MACROD2: variants seen among roughly 807,000 people sequenced by gnomAD.
The protein encoded by MACROD2 is ADP-ribose glycohydrolase MACROD2.
MACROD2 carries 36 observed loss-of-function variants against 70.4 expected under a neutral mutation model. That is an observed-to-expected ratio of 0.51 (90% CI 0.39 to 0.68). MACROD2 has a LOEUF of 0.68. Ranked by LOEUF, MACROD2 falls within the 30% of genes least tolerant of loss-of-function variation. The probability of loss-of-function intolerance (pLI) is 0.00; values close to 1 mark genes in which losing one functional copy is unlikely to be tolerated. For missense variants in MACROD2, 496 were observed against 538.4 expected (o/e 0.92, Z 0.78); for synonymous variants, 172 against 178.8 (o/e 0.96, Z 0.30).
chr20:15,955,549 G>A lies in MACROD2; in HGVS notation c.908-12004G>A, dbSNP rs151111631. Among the ~76,000 whole-genome samples the A allele has an allele frequency of 3.9e-3, 596 of 152,218 alleles. 6 individuals are homozygous for A. The highest frequency in any genetic ancestry group is 0.013 in the African/African-American group (547 of 41,524). On this transcript the variant is annotated intron_variant, in intron 12 of 17. Coordinates refer to ENST00000684519, the MANE Select transcript of MACROD2 (RefSeq NM_001351661.2). Reference sequence around the variant, plus strand: ...TTTCTAATGGATGATCCTTTGGCAAGCTATAATTTTCCATCTTCCTAATTC... The same window carrying A: ...TTTCTAATGGATGATCCTTTGGCAAACTATAATTTTCCATCTTCCTAATTC...
intron 15 of MACROD2, among the ~76,000 whole-genome samples, chr20:16,019,369 G>T (rs528863468): frequency 6.6e-6 from 1 of 152,308 alleles, no homozygotes; most frequent in African/African-American, 2.4e-5. Context: ...CCTGCAGTGT[G>T]AGTAGGGTTA....
chr20:15,576,027 C>T (rs1222900695), intron 8 of MACROD2, among the ~76,000 whole-genome samples: 5 of 152,146 alleles, frequency 3.3e-5, no homozygotes, highest in African/African-American at 7.2e-5. Context: ...TTGATTCAAA[C>T]AAAAATTCTT....
chr20:15,942,087 C>T (rs979250743), intron 12 of MACROD2, among the ~76,000 whole-genome samples: 9 of 152,116 alleles, frequency 5.9e-5, no homozygotes, highest in African/African-American at 2.2e-4. Context: ...TGCAGGTGTC[C>T]TCTTTGCCAG....
At chr20:14,965,431 C>T (rs1983835) in intron 5 of MACROD2, among the ~76,000 whole-genome samples, 20,399 of 145,170 alleles carry the variant, frequency 0.14, 1,752 homozygotes, top group East Asian at 0.33. Flanking sequence ...AACCTAGGGA[C>T]GGCTAAAAGT....
chr20:14,758,724 GA>G (rs1313198952), intron 5 of MACROD2, among the ~76,000 whole-genome samples: 8 of 152,012 alleles, frequency 5.3e-5, no homozygotes, highest in Non-Finnish European at 1.0e-4. Flanking sequence ...CCTATCATTG[GA>G]ATTACTCTAA....
intron 3 of MACROD2, among the ~76,000 whole-genome samples, chr20:14,376,365 A>G (rs527261548): frequency 6.6e-6 from 1 of 152,310 alleles, no homozygotes; most frequent in East Asian, 1.9e-4. Context: ...TCCTTGGTGC[A>G]CATGAAAATC....
intron 5 of MACROD2, among the ~76,000 whole-genome samples, chr20:14,862,263 ATATTACTATG>A (rs1355325944): frequency 4.3e-4 from 19 of 43,834 alleles, no homozygotes; most frequent in South Asian, 8.6e-4. Flanking sequence ...ATATATAAAT[ATATTACTATG>A]TATATTTATA....
intron 8 of MACROD2, among the ~76,000 whole-genome samples, chr20:15,584,239 A>G (rs1169222263): frequency 6.6e-6 from 1 of 152,134 alleles, no homozygotes; most frequent in Admixed American, 6.6e-5. Flanking sequence ...GTTTACATGT[A>G]TTTTTTAAAA....
At chr20:15,716,536 C>G (rs2050710160) in intron 8 of MACROD2, among the ~76,000 whole-genome samples, 1 of 152,212 alleles carries the variant, frequency 6.6e-6, no homozygotes, top group African/African-American at 2.4e-5. Flanking sequence ...GCCTTTTGTA[C>G]TCAACACTGA....
intron 5 of MACROD2, among the ~76,000 whole-genome samples, chr20:15,077,042 G>A (rs1310156371): frequency 1.3e-5 from 2 of 152,152 alleles, no homozygotes; most frequent in African/African-American, 4.8e-5. Context: ...CAGTCTTGTG[G>A]CAGTTAGCCA....
At position 15,937,423 on chromosome 20, in the gene MACROD2, C is replaced by T. The variant is rs2065681313; in HGVS notation, c.839-53C>T. The T allele has an allele frequency of 7.0e-6, 11 of 1,568,204 alleles. No individual in the cohort carries two copies. In the Admixed American group the frequency reaches 1.5e-4, roughly 21 times the overall value. On this transcript the variant is annotated intron_variant, in intron 11 of 17. Coordinates refer to ENST00000684519, the MANE Select transcript of MACROD2 (RefSeq NM_001351661.2). The stretch of plus-strand genomic sequence containing the variant: ...GAGGTGCAGGGCAGGAAAGCCACAG[C>T]TGGACTTCCGGAAGGATGAACTCTG...
chr20:15,307,069 C>T (rs1166402610), intron 6 of MACROD2, among the ~76,000 whole-genome samples: 2 of 152,028 alleles, frequency 1.3e-5, no homozygotes, highest in South Asian at 2.1e-4. Flanking sequence ...CATAAGGCAC[C>T]CCACCCCATG....
intron 3 of MACROD2, among the ~76,000 whole-genome samples, chr20:14,390,177 T>G (rs573626627): frequency 6.6e-6 from 1 of 152,068 alleles, no homozygotes; most frequent in South Asian, 2.1e-4. Context: ...ATACTAGAAA[T>G]ACAGCCAACT....
rs1226577403 is a variant in MACROD2, at chr20:15,629,337, A to G, written c.645+129490A>G. Among the ~76,000 whole-genome samples the G allele has an allele frequency of 2.0e-5, 3 of 152,228 alleles. No individual in the cohort carries two copies. In the East Asian group the frequency reaches 5.8e-4, roughly 29 times the overall value. On this transcript the variant is annotated intron_variant, in intron 8 of 17. Transcript: ENST00000684519. ...TTTTGATGTAGATTGACCCCAAATC[A>G]GAGTGAGGGCGTCTCTCTCCCACTG...
chr20:14,360,409 T>G (rs976339507), intron 3 of MACROD2, among the ~76,000 whole-genome samples: 11 of 151,792 alleles, frequency 7.2e-5, no homozygotes, highest in African/African-American at 2.7e-4. Flanking sequence ...ACAAGTAATG[T>G]TTTTTTAAAG....
At chr20:15,778,841 CAA>C (rs1208368727) in intron 8 of MACROD2, among the ~76,000 whole-genome samples, 1 of 151,848 alleles carries the variant, frequency 6.6e-6, no homozygotes, top group African/African-American at 2.4e-5. Context: ...AACTGACCAG[CAA>C]AGAGAGAAGG....
chr20:15,383,881 C>T lies in MACROD2; in HGVS notation c.541-47524C>T, dbSNP rs375387617. 2.0e-5 allele frequency among the ~76,000 whole-genome samples: 3 copies of T among 152,072 alleles called. No individual in the cohort carries two copies. The East Asian group carries it at 5.8e-4, about 29-fold the overall frequency. The stretch of plus-strand genomic sequence containing the variant: ...CTTTAGTGTATTTTTTTAATTAATA[C>T]TTCTCTACTTAAATTCTGATCTAAA... On this transcript the variant is annotated intron_variant, in intron 6 of 17. Coordinates refer to ENST00000684519, the MANE Select transcript of MACROD2 (RefSeq NM_001351661.2).
intron 6 of MACROD2, among the ~76,000 whole-genome samples, chr20:15,389,691 A>G (rs572870937): frequency 1.3e-5 from 2 of 152,314 alleles, no homozygotes; most frequent in East Asian, 1.9e-4. Context: ...AAGACAAACA[A>G]TTTTGGTTTT....
rs1353948360 is a variant in MACROD2 at position 15,143,964 on chromosome 20, A to C, written c.419-85976A>C. ...ATGAGCTAAAAAAAAAAAAATCGCAAAAAAAAAAAAACCTCATAATATTTT... is the reference window on the plus strand; with the variant it reads ...ATGAGCTAAAAAAAAAAAAATCGCACAAAAAAAAAAACCTCATAATATTTT... On this transcript the variant is annotated intron_variant, in intron 5 of 17. Coordinates refer to ENST00000684519, the MANE Select transcript of MACROD2 (RefSeq NM_001351661.2). 1.2e-3 allele frequency among the ~76,000 whole-genome samples: 142 copies of C among 113,884 alleles called. 1 individual carries two copies. The highest frequency in any genetic ancestry group is 7.3e-3 in the Admixed American group (87 of 11,930). 74.7% of individuals were successfully genotyped at this position (113,884 alleles called of 152,430 possible). A position where few individuals can be genotyped will look rare whatever the true frequency, so the allele number is the denominator to read the frequency against.
Sources: gnomAD v4.1 joint callset for allele counts (sites outside exome capture counted in the v4.1 genomes callset) on GRCh38, gnomAD v4.1.1 for gene constraint, MANE v1.5 for transcripts, NCBI Gene and HGNC (gene_info 2026-07-23, HGNC 2026-07-21) for gene names.